The following TRPC5 variants were observed in gnomAD, a reference collection of about 807,000 sequenced individuals.
TRPC5 encodes the protein transient receptor potential cation channel subfamily C member 5, also known as short transient receptor potential channel 5.
In TRPC5, 9 loss-of-function variants were observed where a neutral mutation model predicts 56.5. The ratio of observed to expected loss-of-function variants is 0.16; its 90% CI spans 0.10 to 0.28. TRPC5 has a LOEUF of 0.28. Ranked by LOEUF, TRPC5 falls within the 10% of genes least tolerant of loss-of-function variation. TRPC5 has a pLI of 1.00. For synonymous variants in TRPC5, 282 were observed against 278.5 expected, an observed-to-expected ratio of 1.01 and a Z score of -0.13; for missense variants, 469 against 748.9, an observed-to-expected ratio of 0.63 and a Z score of 4.36.
At chrX:111,924,297 T>C (rs763073151) in intron 2 of TRPC5, among the ~76,000 whole-genome samples, 1 of 111,357 alleles carries the variant, frequency 9.0e-6, no homozygotes, top group Non-Finnish European at 1.9e-5. Context: ...TCAGAATGAA[T>C]AAAGAAGAGG....
intron 3 of TRPC5, among the ~76,000 whole-genome samples, chrX:111,901,364 A>G (rs1299151766): frequency 8.9e-6 from 1 of 111,821 alleles, no homozygotes; most frequent in Non-Finnish European, 1.9e-5. Context: ...TGAGGTTTTC[A>G]AAGGAAAGAG....
At chrX:111,887,531 G>A (rs1449713885) in intron 3 of TRPC5, among the ~76,000 whole-genome samples, 2 of 111,893 alleles carry the variant, frequency 1.8e-5, no homozygotes, top group Non-Finnish European at 3.8e-5. Context: ...TACAGAAAAA[G>A]GGTACAAAAC....
chrX:112,033,410 G>C (rs999917605), intron 1 of TRPC5, among the ~76,000 whole-genome samples: 1 of 107,921 alleles, frequency 9.3e-6, no homozygotes, highest in Middle Eastern at 4.3e-3. Flanking sequence ...TGAGTAGCAG[G>C]AGTTCTTTAT....
chrX:111,900,487 G>A (rs1237738106), intron 3 of TRPC5, among the ~76,000 whole-genome samples: 1 of 111,988 alleles, frequency 8.9e-6, no homozygotes, highest in African/African-American at 3.2e-5. Context: ...AAATAAATTG[G>A]TGAAAGAATT....
chrX:111,963,693 T>A (rs1181564592), intron 1 of TRPC5, among the ~76,000 whole-genome samples: 2 of 111,940 alleles, frequency 1.8e-5, no homozygotes, highest in Non-Finnish European at 3.8e-5. Flanking sequence ...CAGCCACCGC[T>A]GCTGATACCC....
At chrX:112,008,881 G>A (rs763069672) in intron 1 of TRPC5, among the ~76,000 whole-genome samples, 37 of 111,801 alleles carry the variant, frequency 3.3e-4, no homozygotes, top group African/African-American at 1.1e-3. Context: ...GTTAGAGTGT[G>A]TGGGCTGTGC....
At chrX:112,032,415 G>A (rs1929610414) in intron 1 of TRPC5, among the ~76,000 whole-genome samples, 1 of 111,196 alleles carries the variant, frequency 9.0e-6, no homozygotes, top group Non-Finnish European at 1.9e-5. Context: ...CAAAAGAAGG[G>A]AAATCAGTAT....
At chrX:112,042,342 C>T (rs1429295172) in intron 1 of TRPC5, among the ~76,000 whole-genome samples, 1 of 111,087 alleles carries the variant, frequency 9.0e-6, no homozygotes, top group African/African-American at 3.3e-5. Context: ...ATAAAGGGTG[C>T]CACATTGGAC....
chrX:112,009,046 G>C (rs890950588), intron 1 of TRPC5, among the ~76,000 whole-genome samples: 1 of 111,617 alleles, frequency 9.0e-6, no homozygotes, highest in African/African-American at 3.3e-5. Context: ...CTCAAATGCT[G>C]CCCTAGCGTG....
At chrX:111,789,363 T>C (rs1248316360) in intron 7 of TRPC5, among the ~76,000 whole-genome samples, 1 of 112,253 alleles carries the variant, frequency 8.9e-6, no homozygotes, top group Non-Finnish European at 1.9e-5. Flanking sequence ...GCTAGCCATA[T>C]GTAGAAAGCT....
intron 1 of TRPC5, among the ~76,000 whole-genome samples, chrX:111,998,330 GA>G (rs1928601149): frequency 8.9e-6 from 1 of 111,770 alleles, no homozygotes; most frequent in African/African-American, 3.2e-5. Context: ...GTGATATTTT[GA>G]TATATGTATA....
intron 7 of TRPC5, among the ~76,000 whole-genome samples, chrX:111,834,127 C>A (rs921182751): frequency 1.8e-5 from 2 of 111,793 alleles, no homozygotes; most frequent in African/African-American, 3.2e-5. Flanking sequence ...CATAAAAAAC[C>A]AGGGCAGGGA....
chrX:111,895,049 T>C (rs1242407951), intron 3 of TRPC5, among the ~76,000 whole-genome samples: 1 of 112,072 alleles, frequency 8.9e-6, no homozygotes, highest in African/African-American at 3.2e-5. Flanking sequence ...GGTTATATAC[T>C]TAGGAGTAGC....
intron 1 of TRPC5, among the ~76,000 whole-genome samples, chrX:112,023,120 C>G (rs1005951528): frequency 9.2e-6 from 1 of 108,489 alleles, no homozygotes; most frequent in Admixed American, 9.9e-5. Context: ...ATTTTTAGTA[C>G]AGACGGGGTT....
At chrX:111,786,889 A>G (rs1299375891) in intron 7 of TRPC5, among the ~76,000 whole-genome samples, 1 of 111,840 alleles carries the variant, frequency 8.9e-6, no homozygotes, top group Admixed American at 9.5e-5. Context: ...ATATGCGCCC[A>G]ATACAGGAGC....
chrX:111,824,248 A>T (rs1482721296), intron 7 of TRPC5, among the ~76,000 whole-genome samples: 1 of 106,003 alleles, frequency 9.4e-6, no homozygotes, highest in Non-Finnish European at 1.9e-5. Context: ...AAAAAAAAAA[A>T]AATGTGTACC....
chrX:111,981,080 G>T (rs958220300), intron 1 of TRPC5, among the ~76,000 whole-genome samples: 15 of 109,292 alleles, frequency 1.4e-4, no homozygotes, highest in African/African-American at 5.0e-4. Flanking sequence ...ATTGGCTCAT[G>T]GAATTATGGA....
chrX:112,074,747 A>G (rs1930795454), intron 1 of TRPC5, among the ~76,000 whole-genome samples: 1 of 112,084 alleles, frequency 8.9e-6, no homozygotes, highest in Admixed American at 9.5e-5. Context: ...TAGAGGGAAA[A>G]GGAAGGGCAT....
At chrX:111,841,161 T>C (rs887407834) in intron 6 of TRPC5, among the ~76,000 whole-genome samples, 4 of 112,323 alleles carry the variant, frequency 3.6e-5, no homozygotes, top group African/African-American at 1.3e-4. Flanking sequence ...GGCTGAATGA[T>C]GGGTGGAGAA....
Sources: gnomAD v4.1 joint callset for allele counts (sites outside exome capture counted in the v4.1 genomes callset) on GRCh38, gnomAD v4.1.1 for gene constraint, MANE v1.5 for transcripts, NCBI Gene and HGNC (gene_info 2026-07-23, HGNC 2026-07-21) for gene names.